MRRF: variants seen among roughly 807,000 people sequenced by gnomAD.
MRRF encodes the protein ribosome-recycling factor, mitochondrial.
A neutral mutation model predicts 25.1 loss-of-function variants in MRRF; 18 were observed. That is an observed-to-expected ratio of 0.72 (90% CI 0.50 to 1.06). The LOEUF (loss-of-function observed/expected upper bound fraction) is 1.06, where lower values mean the gene tolerates loss of function less well. Among genes scored for constraint, MRRF ranks in the 50% least tolerant of loss-of-function variants. The pLI, the probability that MRRF is intolerant of heterozygous loss-of-function variation, is 0.00. For synonymous variants in MRRF, 113 were observed against 112.1 expected (o/e 1.01, Z -0.05); for missense variants, 323 against 319.3 (o/e 1.01, Z -0.09).
At chr9:122,270,227 A>G (rs906613734) in intron 1 of MRRF, among the ~76,000 whole-genome samples, 4 of 152,236 alleles carry the variant, frequency 2.6e-5, no homozygotes, top group African/African-American at 7.2e-5. Context: ...GCATCTTTCC[A>G]TGGTCAAAGA....
chr9:122,298,538 A>G (rs1363003204), intron 5 of MRRF, among the ~76,000 whole-genome samples: 2 of 152,188 alleles, frequency 1.3e-5, no homozygotes, highest in Admixed American at 6.5e-5. Flanking sequence ...GCCCCTTTGC[A>G]TGTCGGTCTT....
rs897946935 is a variant in MRRF, at chr9:122,285,915, T to A, written c.459+628T>A. ...TACTAGACTGACCATTGCAGAATAT[T>A]GCATGGAGCACAGTGCTTCCAAAAC... On this transcript the variant is annotated intron_variant, in intron 4 of 6. Transcript: ENST00000344641. The A allele has an allele frequency of 3.9e-6, 5 of 1,298,464 alleles. No homozygotes were observed. In the African/African-American group the frequency reaches 6.1e-5, roughly 16 times the overall value. 80.4% of individuals were successfully genotyped at this position (1,298,464 alleles called of 1,614,324 possible). A position where few individuals can be genotyped will look rare whatever the true frequency, so the allele number is the denominator to read the frequency against.
At chr9:122,282,329 G>A (rs537033210) in intron 3 of MRRF, among the ~76,000 whole-genome samples, 14 of 152,178 alleles carry the variant, frequency 9.2e-5, no homozygotes, top group South Asian at 4.2e-4. Flanking sequence ...CCTTTCATCC[G>A]TCCATGCATA....
At chr9:122,295,840 G>A (rs1463806542) in intron 5 of MRRF, among the ~76,000 whole-genome samples, 1 of 152,076 alleles carries the variant, frequency 6.6e-6, no homozygotes, top group Admixed American at 6.6e-5. Flanking sequence ...CCTAATGATA[G>A]TCTATAGGTT....
intron 1 of MRRF, among the ~76,000 whole-genome samples, chr9:122,267,700 T>C (rs927913262): frequency 1.3e-5 from 2 of 152,248 alleles, no homozygotes; most frequent in Non-Finnish European, 2.9e-5. Context: ...TTTTTGCTTC[T>C]GTTTTCTTAT....
rs567667308 is a variant in MRRF at position 122,318,435 on chromosome 9, G to A, written c.712-4105G>A. On this transcript the variant is annotated intron_variant, in intron 6 of 6. Coordinates refer to ENST00000344641, the MANE Select transcript of MRRF (RefSeq NM_138777.5). ...CACTGCTGCCTTTCCCTGAGAAACA[G>A]TGCTGCTCTGAAATGAGCAAAGCTG... Among the ~76,000 whole-genome samples the A allele has an allele frequency of 5.4e-4, 82 of 152,352 alleles. 1 individual carries two copies. The highest frequency in any genetic ancestry group is 1.9e-3 in the African/African-American group (81 of 41,588).
chr9:122,285,169 G>A lies in MRRF; in HGVS notation c.341G>A (p.Gly114Glu). Residue 114 changes from glycine to glutamate, a missense_variant and splice_region_variant, in exon 4 of 7, where the codon GGA becomes GAA. Gly to Glu is a moderately conservative substitution (Grantham distance 98, BLOSUM62 -2). Transcript: ENST00000344641. ...NKTLNIRTSP[G>E]SLDKIAVVTA... ...TAAAACTCTGTAATTTTTCTTTTAG[G>A]ATCCCTTGACAAGATTGCTGTGGTA... 6.3e-7 allele frequency: 1 copy of A among 1,595,812 alleles called. No homozygotes were observed. The highest frequency in any genetic ancestry group is 8.6e-7 in the Non-Finnish European group (1 of 1,163,438).
rs546152348 is a variant in MRRF at position 122,308,132 on chromosome 9, C to T, written c.552-5095C>T. 5.6e-4 allele frequency among the ~76,000 whole-genome samples: 86 copies of T among 152,232 alleles called. 1 individual carries two copies. The highest frequency in any genetic ancestry group is 2.0e-3 in the African/African-American group (85 of 41,548). On this transcript the variant is annotated intron_variant, in intron 5 of 6. Transcript: ENST00000344641. ...CTTGTACAAACAAAGTATGACCCTG[C>T]CAGCTCAGCCAAAACCCCTGCCTTG...
At chr9:122,308,243 A>G (rs559086808) in intron 5 of MRRF, among the ~76,000 whole-genome samples, 10 of 152,136 alleles carry the variant, frequency 6.6e-5, no homozygotes, top group Non-Finnish European at 1.2e-4. Flanking sequence ...CTCCCTGTCT[A>G]CCTGCCTAAA....
At position 122,291,767 on chromosome 9, in the gene MRRF, A is replaced by C. The variant is rs1378993160; in HGVS notation, c.478A>C (p.Lys160Gln). 1.2e-6 allele frequency: 2 copies of C among 1,613,250 alleles called. No homozygotes were observed. The highest frequency in any genetic ancestry group is 1.7e-5 in the Admixed American group (1 of 60,018). ...SFPECTAAAIKAIRESGMNLN... is the reference protein window; with the variant it reads ...SFPECTAAAIQAIRESGMNLN... ...TTTTCAGTGTACAGCTGCAGCTATC[A>C]AGGCTATAAGAGAAAGTGGAATGAA... The change falls in exon 5 of 7, where the codon AAG becomes CAG. Residue 160 changes from lysine to glutamine, a missense_variant. Physicochemically the swap from Lys to Gln is moderately conservative, Grantham distance 53. Coordinates refer to ENST00000344641, the MANE Select transcript of MRRF (RefSeq NM_138777.5).
rs1404162290 is a variant in MRRF at position 122,311,559 on chromosome 9, ATT to A, written c.552-1665_552-1664del. 2.6e-5 allele frequency among the ~76,000 whole-genome samples: 4 copies of A among 152,084 alleles called. No individual in the cohort carries two copies. In the East Asian group the frequency reaches 5.8e-4, roughly 22 times the overall value. On this transcript the variant is annotated intron_variant, in intron 5 of 6. Coordinates refer to ENST00000344641, the MANE Select transcript of MRRF (RefSeq NM_138777.5). ...TTAAGGCCAAATTACCTATATTATG[ATT>A]TTGTTTTCTTTCTGTAGCCTTTAAT...
intron 2 of MRRF, 114 bp downstream of exon 2, chr9:122,271,189 A>ACCATTTCCTC: frequency 2.2e-6 from 2 of 920,618 alleles, no homozygotes; most frequent in Non-Finnish European, 3.6e-6. Flanking sequence ...AACATGAGGA[A>ACCATTTCCTC]ATGGTGCCTC....
intron 5 of MRRF, among the ~76,000 whole-genome samples, chr9:122,309,262 A>G (rs1835061386): frequency 6.6e-6 from 1 of 152,198 alleles, no homozygotes; most frequent in Admixed American, 6.5e-5. Context: ...AAGGCTCAAT[A>G]ATATTATATG....
chr9:122,289,065 A>G (rs189408150), intron 4 of MRRF, among the ~76,000 whole-genome samples: 120 of 152,340 alleles, frequency 7.9e-4, no homozygotes, highest in Non-Finnish European at 1.6e-3. Flanking sequence ...TTCAGATGTC[A>G]TATGAGAACA....
intron 2 of MRRF, among the ~76,000 whole-genome samples, chr9:122,276,897 C>G (rs1388683291): frequency 2.0e-5 from 3 of 152,042 alleles, no homozygotes; most frequent in African/African-American, 7.3e-5. Context: ...GAGACGGGGT[C>G]TTGCCCAGGC....
At position 122,285,914 on chromosome 9, in the gene MRRF, T is replaced by A. The variant is rs1056551704; in HGVS notation, c.459+627T>A. ...ATACTAGACTGACCATTGCAGAATA[T>A]TGCATGGAGCACAGTGCTTCCAAAA... On this transcript the variant is annotated intron_variant, in intron 4 of 6. Transcript: ENST00000344641. The A allele has an allele frequency of 3.9e-6, 5 of 1,298,398 alleles. No homozygotes were observed. The African/African-American group carries it at 6.1e-5, about 16-fold the overall frequency. 80.4% of individuals were successfully genotyped at this position (1,298,398 alleles called of 1,614,324 possible). A position where few individuals can be genotyped will look rare whatever the true frequency, so the allele number is the denominator to read the frequency against.
In MRRF at chr9:122,326,106, A is replaced by ATTTTTT. The variant is rs71508158; in HGVS notation, c.*3503_*3508dup. ...GAGCCACTCTGCCTGGCCATATATA[A>ATTTTTT]TTTTTTTTTTTTTTTTTTTGCAATG... On this transcript the variant is annotated 3_prime_UTR_variant, in exon 7 of 7. Transcript: ENST00000344641. 8.5e-6 allele frequency: 1 copy of ATTTTTT among 116,978 alleles called. No individual in the cohort carries two copies. The highest frequency in any genetic ancestry group is 3.2e-5 in the African/African-American group (1 of 31,006). The allele number at this position is 116,978 out of a possible 1,614,324, so 7.2% of individuals were successfully genotyped here.
At position 122,326,163 on chromosome 9, in the gene MRRF, A is replaced by C. The variant is rs1216351232; in HGVS notation, c.*3546A>C. The C allele has an allele frequency of 7.1e-6, 1 of 140,248 alleles. No homozygotes were observed. The highest frequency in any genetic ancestry group is 7.5e-5 in the Admixed American group (1 of 13,386). The allele number at this position is 140,248 out of a possible 1,614,324, so 8.7% of individuals were successfully genotyped here. On this transcript the variant is annotated 3_prime_UTR_variant, in exon 7 of 7. Coordinates refer to ENST00000344641, the MANE Select transcript of MRRF (RefSeq NM_138777.5). ...TGCTCTGTCGCCCACGCTGGAGTGC[A>C]TTGGCGCAATCTCGGCTCACTGCAA...
chr9:122,269,215 A>G (rs960989510), intron 1 of MRRF, among the ~76,000 whole-genome samples: 1 of 152,050 alleles, frequency 6.6e-6, no homozygotes, highest in Admixed American at 6.5e-5. Context: ...TTAAGCTGCT[A>G]TATTCCTGGC....
Sources: allele counts gnomAD v4.1 joint callset (sites outside exome capture counted in the v4.1 genomes callset), GRCh38; gene constraint gnomAD v4.1.1; transcripts MANE v1.5; gene names NCBI Gene and HGNC (gene_info 2026-07-23, HGNC 2026-07-21).